Variants in CHCHD3 observed in about 807,000 individuals in gnomAD.
The protein encoded by CHCHD3 is coiled-coil-helix-coiled-coil-helix domain containing 3.
Under a neutral mutation model 38.2 loss-of-function variants are expected in CHCHD3, and 20 were observed. That is an observed-to-expected ratio of 0.52 (90% confidence interval 0.37 to 0.76). The LOEUF (loss-of-function observed/expected upper bound fraction) is 0.76. Ranked by LOEUF, CHCHD3 falls within the 30% of genes least tolerant of loss-of-function variation. The pLI is 0.00. For synonymous variants in CHCHD3, 82 were observed against 100.0 expected (o/e 0.82, Z 1.07); for missense variants, 245 against 279.2 (o/e 0.88, Z 0.87).
intron 4 of CHCHD3, 129 bp downstream of exon 4, chr7:132,975,040 A>G (rs1811725242): frequency 1.3e-6 from 1 of 761,028 alleles, no homozygotes; most frequent in East Asian, 2.5e-5. Flanking sequence ...GGCAAAAATC[A>G]AAATCTGAGC....
chr7:132,898,955 C>A (rs955951401), intron 4 of CHCHD3, among the ~76,000 whole-genome samples: 1 of 152,218 alleles, frequency 6.6e-6, no homozygotes, highest in Non-Finnish European at 1.5e-5. Flanking sequence ...CTGCAAGCGC[C>A]GCACACAGCC....
At chr7:132,990,031 G>A (rs558852746) in intron 3 of CHCHD3, among the ~76,000 whole-genome samples, 111 of 152,162 alleles carry the variant, frequency 7.3e-4, no homozygotes, top group Middle Eastern at 3.4e-3. Flanking sequence ...AAATTAGCCG[G>A]GCGTGGTGGT....
intron 4 of CHCHD3, among the ~76,000 whole-genome samples, chr7:132,931,296 A>C (rs879649824): frequency 3.3e-5 from 5 of 152,256 alleles, no homozygotes; most frequent in Non-Finnish European, 7.3e-5. Flanking sequence ...TATTTGGAAA[A>C]CCAGTACAAT....
intron 3 of CHCHD3, among the ~76,000 whole-genome samples, chr7:133,023,278 A>T (rs1472724769): frequency 6.6e-6 from 1 of 152,210 alleles, no homozygotes; most frequent in Non-Finnish European, 1.5e-5. Context: ...AGAAAATAGC[A>T]GTCTTAATCT....
chr7:132,877,376 A>C lies in CHCHD3; in HGVS notation c.453+8286T>G, dbSNP rs1206628834. On this transcript the variant is annotated intron_variant, in intron 5 of 7. Transcript: ENST00000262570. Reference sequence around the variant, plus strand: ...TTTCCCCAGAGCACAAACTAGGGAAAAAAAATATCTTGCTTGCTACTTTTG... The same window carrying C: ...TTTCCCCAGAGCACAAACTAGGGAACAAAAATATCTTGCTTGCTACTTTTG... 5.9e-5 allele frequency among the ~76,000 whole-genome samples: 9 copies of C among 152,228 alleles called. No individual in the cohort carries two copies. The South Asian group carries it at 1.4e-3, about 24-fold the overall frequency.
At position 132,985,808 on chromosome 7, in the gene CHCHD3, C is replaced by T. The variant is rs1221931012; in HGVS notation, c.252-10522G>A. The stretch of plus-strand genomic sequence containing the variant: ...GGGGTCAGCCCCCCGCCCGGCCAGC[C>T]GCCCCGTCCGGGAGGTGAGGGGCGC... On this transcript the variant is annotated intron_variant, in intron 3 of 7. Coordinates refer to ENST00000262570, the MANE Select transcript of CHCHD3 (RefSeq NM_017812.4). Among the ~76,000 whole-genome samples, 13 of 104,128 alleles carry T rather than the reference C, an allele frequency of 1.2e-4. 3 individuals are homozygous for T. The highest frequency in any genetic ancestry group is 8.0e-4 in the Admixed American group (8 of 9,992). 68.3% of individuals were successfully genotyped at this position (104,128 alleles called of 152,430 possible). A position where few individuals can be genotyped will look rare whatever the true frequency, so the allele number is the denominator to read the frequency against.
chr7:132,900,878 C>G (rs1585619693), intron 4 of CHCHD3, among the ~76,000 whole-genome samples: 1 of 152,256 alleles, frequency 6.6e-6, no homozygotes, highest in East Asian at 1.9e-4. Flanking sequence ...GTGGTCCCAG[C>G]TACTCAGGAG....
At chr7:132,996,666 T>G (rs6977953) in intron 3 of CHCHD3, among the ~76,000 whole-genome samples, 108,593 of 152,064 alleles carry the variant, frequency 0.71, 38,925 homozygotes, top group African/African-American at 0.75. Flanking sequence ...CGTTACAGAA[T>G]TGGCAATCCT....
At chr7:132,806,139 G>GT (rs1806914750) in intron 6 of CHCHD3, among the ~76,000 whole-genome samples, 1 of 152,166 alleles carries the variant, frequency 6.6e-6, no homozygotes. Flanking sequence ...GAGAGAACTG[G>GT]TGTAACACAG....
At chr7:132,887,390 T>G (rs1809244083) in intron 4 of CHCHD3, among the ~76,000 whole-genome samples, 1 of 151,400 alleles carries the variant, frequency 6.6e-6, no homozygotes. Context: ...CTACATAATC[T>G]AAAGAGAAAA....
At chr7:132,991,459 A>G (rs1812283395) in intron 3 of CHCHD3, among the ~76,000 whole-genome samples, 1 of 152,178 alleles carries the variant, frequency 6.6e-6, no homozygotes, top group Non-Finnish European at 1.5e-5. Context: ...TATTAACAGT[A>G]CAACTGATAT....
intron 2 of CHCHD3, among the ~76,000 whole-genome samples, chr7:133,055,192 A>G (rs1163450212): frequency 6.7e-6 from 1 of 150,010 alleles, no homozygotes; most frequent in African/African-American, 2.4e-5. Flanking sequence ...TTCTTAATAT[A>G]TAATGATATG....
In CHCHD3 at chr7:132,942,375, G is replaced by A. The variant is rs146758793; in HGVS notation, c.369+32794C>T. Reference sequence around the variant, plus strand: ...TTTTTTCATAGTTAGTAAAAGTTGTGGAGTTCTTAATGTTGTCATATCCAC... The same window carrying A: ...TTTTTTCATAGTTAGTAAAAGTTGTAGAGTTCTTAATGTTGTCATATCCAC... On this transcript the variant is annotated intron_variant, in intron 4 of 7. Transcript: ENST00000262570. 8.5e-4 allele frequency among the ~76,000 whole-genome samples: 129 copies of A among 152,208 alleles called. No homozygotes were observed. The East Asian group carries it at 0.024, about 29-fold the overall frequency.
At chr7:132,999,132 C>G (rs1030457513) in intron 3 of CHCHD3, among the ~76,000 whole-genome samples, 3 of 152,152 alleles carry the variant, frequency 2.0e-5, no homozygotes, top group Non-Finnish European at 2.9e-5. Context: ...ACAAACAACA[C>G]TATTCAAAGA....
chr7:132,995,316 A>C (rs973567837), intron 3 of CHCHD3, among the ~76,000 whole-genome samples: 5 of 152,214 alleles, frequency 3.3e-5, no homozygotes, highest in African/African-American at 1.2e-4. Flanking sequence ...ACACCCATGA[A>C]GCCATCACTA....
chr7:132,916,226 A>G (rs1168790142), intron 4 of CHCHD3, among the ~76,000 whole-genome samples: 2 of 152,170 alleles, frequency 1.3e-5, no homozygotes, highest in Non-Finnish European at 2.9e-5. Flanking sequence ...CTTCATCCTA[A>G]TTCCTTTACT....
chr7:133,072,179 A>G (rs1814841322), intron 1 of CHCHD3, among the ~76,000 whole-genome samples: 1 of 152,070 alleles, frequency 6.6e-6, no homozygotes, highest in African/African-American at 2.4e-5. Context: ...AGAAAAAAAA[A>G]AAAAAAGTGT....
At chr7:132,893,966 A>G (rs1051999051) in intron 4 of CHCHD3, among the ~76,000 whole-genome samples, 1 of 152,238 alleles carries the variant, frequency 6.6e-6, no homozygotes, top group Non-Finnish European at 1.5e-5. Context: ...ATGCAAAAGT[A>G]TATCTGCTAT....
At chr7:132,832,350 G>C in intron 6 of CHCHD3, among the ~76,000 whole-genome samples, 1 of 152,192 alleles carries the variant, frequency 6.6e-6, no homozygotes, top group East Asian at 1.9e-4. Context: ...ACACAAAGGA[G>C]TATTACTGGT....
Sources: gnomAD v4.1 joint callset for allele counts (sites outside exome capture counted in the v4.1 genomes callset) on GRCh38, gnomAD v4.1.1 for gene constraint, MANE v1.5 for transcripts, NCBI Gene and HGNC (gene_info 2026-07-23, HGNC 2026-07-21) for gene names.